RSL1D1: variants seen among roughly 807,000 people sequenced by gnomAD.
RSL1D1 encodes ribosomal L1 domain-containing protein 1.
RSL1D1 carries 34 observed loss-of-function variants against 44.6 expected under a neutral mutation model. That is an observed-to-expected ratio of 0.76 (90% CI 0.58 to 1.02). The LOEUF (loss-of-function observed/expected upper bound fraction) is 1.02, where lower values mean the gene tolerates loss of function less well. Ranked by LOEUF, RSL1D1 falls within the 50% of genes least tolerant of loss-of-function variation. The pLI, the probability that RSL1D1 is intolerant of heterozygous loss-of-function variation, is 0.00. For synonymous variants in RSL1D1, 271 were observed against 207.4 expected, an observed-to-expected ratio of 1.31 and a Z score of -2.63; for missense variants, 767 against 568.1, an observed-to-expected ratio of 1.35 and a Z score of -3.56.
intron 7 of RSL1D1, among the ~76,000 whole-genome samples, chr16:11,840,792 G>T (rs2053759697): frequency 6.6e-6 from 1 of 152,114 alleles, no homozygotes. Context: ...CTGGTGTGTT[G>T]AAGTTATCCC....
chr16:11,847,947 CAACACTTAAAA>C lies in RSL1D1; in HGVS notation c.246-152_246-142del, dbSNP rs1460776715. The C allele has an allele frequency of 1.7e-5, 14 of 843,388 alleles. No homozygotes were observed. In the African/African-American group the frequency reaches 2.3e-4, roughly 14 times the overall value. The allele number at this position is 843,388 out of a possible 1,614,324, so 52.2% of individuals were successfully genotyped here. ...AGTTAAGCAAATAATGCACCAAGAA[CAACACTTAAAA>C]ATACATTTCATGGCCGGTAGTAGTG... On this transcript the variant is annotated intron_variant, in intron 2 of 8. Transcript: ENST00000571133.
chr16:11,845,798 T>G (rs1330384175), intron 5 of RSL1D1, among the ~76,000 whole-genome samples: 5 of 151,996 alleles, frequency 3.3e-5, no homozygotes, highest in Non-Finnish European at 5.9e-5. Flanking sequence ...CATGGCTCAC[T>G]GCAGTCTTGA....
chr16:11,839,916 C>T lies in RSL1D1; in HGVS notation c.925G>A (p.Ala309Thr), dbSNP rs377471149. ...QKERKKKRQQ[A>T]RKTASVLSKD... Reference sequence around the variant, plus strand: ...CTAAGAACTGATGCAGTCTTCCTAGCCTGCTGCCTCTTCTTCTTCCTCTCC... The same window carrying T: ...CTAAGAACTGATGCAGTCTTCCTAGTCTGCTGCCTCTTCTTCTTCCTCTCC... Residue 309 changes from alanine (A) to threonine (T), a missense_variant, in exon 8 of 9, where the codon GCT (alanine) becomes ACT (threonine). Transcript: ENST00000571133. 2 of 1,614,004 alleles carry T rather than the reference C, an allele frequency of 1.2e-6. No individual in the cohort carries two copies. Among genetic ancestry groups the T allele is most frequent in the African/African-American group, 1.3e-5 (1 of 75,038 alleles).
At chr16:11,839,640 T>C (rs1407006543) in intron 8 of RSL1D1, 55 bp downstream of exon 8, 3 of 1,595,450 alleles carry the variant, frequency 1.9e-6, no homozygotes, top group African/African-American at 2.7e-5. Context: ...AGTACCTGCC[T>C]GACACAGTAG....
At chr16:11,843,672 T>C (rs1310717017) in intron 5 of RSL1D1, among the ~76,000 whole-genome samples, 2 of 151,418 alleles carry the variant, frequency 1.3e-5, no homozygotes, top group Non-Finnish European at 2.9e-5. Context: ...ACCGAGACCA[T>C]CCTGGTTAAC....
chr16:11,837,659 A>T lies in RSL1D1; in HGVS notation c.*128T>A, dbSNP rs1179437451. 1.1e-6 allele frequency: 1 copy of T among 884,034 alleles called. No individual in the cohort carries two copies. The highest frequency in any genetic ancestry group is 1.8e-6 in the Non-Finnish European group (1 of 565,822). The allele number at this position is 884,034 out of a possible 1,614,324, so 54.8% of individuals were successfully genotyped here. ...GCCACCGCCCCTGGACTACTTATGG[A>T]GGTTTTAAAAAATCTTTTAAGTCCA... On this transcript the variant is annotated 3_prime_UTR_variant, in exon 9 of 9. Transcript: ENST00000571133.
Position 11,836,254 on chromosome 16 carries a change from CTG to C in RSL1D1, c.*1531_*1532del, listed in dbSNP as rs2053717097. ...CTGCTGGTCCTACTTCTCTCTCAAACTGTCTTTTTCTCAATCCTTTGACTCCA... is the reference window on the plus strand; with the variant it reads ...CTGCTGGTCCTACTTCTCTCTCAAACTCTTTTTCTCAATCCTTTGACTCCA... On this transcript the variant is annotated 3_prime_UTR_variant, in exon 9 of 9. Coordinates refer to ENST00000571133, the MANE Select transcript of RSL1D1 (RefSeq NM_015659.3). 6.6e-6 allele frequency: 1 copy of C among 152,208 alleles called. No individual in the cohort carries two copies. Among genetic ancestry groups the C allele is most frequent in the South Asian group, 2.1e-4 (1 of 4,832 alleles). The allele number at this position is 152,208 out of a possible 1,614,324, so 9.4% of individuals were successfully genotyped here.
intron 1 of RSL1D1, among the ~76,000 whole-genome samples, chr16:11,850,631 C>T (rs1339542135): frequency 6.6e-6 from 1 of 152,142 alleles, no homozygotes; most frequent in Non-Finnish European, 1.5e-5. Flanking sequence ...ATCAAACATG[C>T]CTAAGTACCC....
intron 8 of RSL1D1, among the ~76,000 whole-genome samples, chr16:11,839,381 CAAAAA>C (rs35893843): frequency 1.7e-5 from 2 of 116,612 alleles, no homozygotes; most frequent in Non-Finnish European, 1.8e-5. Context: ...AAAAGCAAAG[CAAAAA>C]AAAAAAAAAA....
At chr16:11,841,364 C>T (rs753850307) in intron 7 of RSL1D1, 43 of 222,052 alleles carry the variant, frequency 1.9e-4, no homozygotes, top group Non-Finnish European at 3.4e-4. Context: ...GCCTTGATCA[C>T]GTCACTGTGC....
intron 5 of RSL1D1, among the ~76,000 whole-genome samples, chr16:11,844,113 A>G (rs1222743377): frequency 1.3e-5 from 2 of 152,102 alleles, no homozygotes; most frequent in African/African-American, 2.4e-5. Flanking sequence ...CTCTTCAGCC[A>G]AAGACTGGGC....
chr16:11,846,724 G>A lies in RSL1D1; in HGVS notation c.504C>T (p.Leu168=). 6.2e-7 allele frequency: 1 copy of A among 1,614,090 alleles called. No homozygotes were observed. Among genetic ancestry groups the A allele is most frequent in the African/African-American group, 1.3e-5 (1 of 75,054 alleles). ...DARIRRLLPS[L]IGRHFYQRKK... ...TTCTTTGATAGAAATGTCTCCCAAT[G>A]AGTGAGGGTAAGAGCCGCCTAATTC... is the stretch of plus-strand genomic sequence containing the variant. Residue 168 remains leucine (L), a synonymous_variant, in exon 4 of 9, where the codon CTC becomes CTT. Coordinates refer to ENST00000571133, the MANE Select transcript of RSL1D1 (RefSeq NM_015659.3).
chr16:11,850,150 T>C (rs1374770670), intron 2 of RSL1D1, 129 bp downstream of exon 2: 3 of 885,968 alleles, frequency 3.4e-6, no homozygotes, highest in Non-Finnish European at 4.9e-6. Context: ...TGGACATAGT[T>C]GTTTTACTTC....
chr16:11,846,870 C>T, intron 3 of RSL1D1, 27 bp from the exon 4 acceptor site: 3 of 1,558,584 alleles, frequency 1.9e-6, no homozygotes, highest in Non-Finnish European at 2.6e-6. Flanking sequence ...AGAATAAAAA[C>T]AAGAAGTTAG....
At chr16:11,851,157 G>A (rs1567422711) in intron 1 of RSL1D1, 2 of 546,792 alleles carry the variant, frequency 3.7e-6, no homozygotes, top group South Asian at 4.0e-5. Flanking sequence ...AAGCCAGGTC[G>A]CCAGGTCTAT....
chr16:11,841,016 T>C (rs143719179), intron 7 of RSL1D1, among the ~76,000 whole-genome samples: 1 of 152,330 alleles, frequency 6.6e-6, no homozygotes, highest in East Asian at 1.9e-4. Context: ...TTTATTTCAA[T>C]GTTTAATATT....
chr16:11,843,814 T>G (rs1029172112), intron 5 of RSL1D1, among the ~76,000 whole-genome samples: 3 of 127,796 alleles, frequency 2.3e-5, no homozygotes, highest in Non-Finnish European at 4.6e-5. Flanking sequence ...GAGCTTGCAG[T>G]GAGCTGAGAT....
intron 8 of RSL1D1, 39 bp downstream of exon 8, chr16:11,839,656 G>A: frequency 6.2e-7 from 1 of 1,605,790 alleles, no homozygotes; most frequent in Non-Finnish European, 8.5e-7. Flanking sequence ...AGTAGCCACT[G>A]AACCAATCCA....
chr16:11,846,027 C>T (rs1044690116), intron 5 of RSL1D1, among the ~76,000 whole-genome samples: 22 of 151,806 alleles, frequency 1.4e-4, no homozygotes, highest in Admixed American at 1.1e-3. Context: ...GCCACTGCAC[C>T]TGACCCGAGA....
Sources: allele counts gnomAD v4.1 joint callset (sites outside exome capture counted in the v4.1 genomes callset), GRCh38; gene constraint gnomAD v4.1.1; transcripts MANE v1.5; gene names NCBI Gene and HGNC (gene_info 2026-07-23, HGNC 2026-07-21).